Variants in VCAN observed in about 807,000 individuals in gnomAD.
VCAN encodes the protein versican core protein.
Under a neutral mutation model 245.5 loss-of-function variants are expected in VCAN, and 44 were observed. That is an observed-to-expected ratio of 0.18 (90% CI 0.14 to 0.23). The LOEUF (loss-of-function observed/expected upper bound fraction) is 0.23. Ranked by LOEUF, VCAN falls within the 10% of genes least tolerant of loss-of-function variation. VCAN has a pLI of 1.00. For synonymous variants in VCAN, 1,413 were observed against 1,437.0 expected, an observed-to-expected ratio of 0.98 and a Z score of 0.38; for missense variants, 3,793 against 4,057.9, an observed-to-expected ratio of 0.93 and a Z score of 1.77.
At chr5:83,548,969 T>C (rs1462681198) in intron 10 of VCAN, among the ~76,000 whole-genome samples, 1 of 152,216 alleles carries the variant, frequency 6.6e-6, no homozygotes, top group African/African-American at 2.4e-5. Flanking sequence ...TCCAAGTGGA[T>C]GGATGATGGC....
chr5:83,572,854 T>G (rs1211268613), intron 13 of VCAN, among the ~76,000 whole-genome samples: 1 of 136,878 alleles, frequency 7.3e-6, no homozygotes, highest in Non-Finnish European at 1.6e-5. Context: ...CCAATAGACC[T>G]TTTTATTTTT....
At chr5:83,503,665 ATC>A (rs1745399845) in intron 5 of VCAN, among the ~76,000 whole-genome samples, 1 of 152,240 alleles carries the variant, frequency 6.6e-6, no homozygotes, top group Non-Finnish European at 1.5e-5. Flanking sequence ...ATAATCATGT[ATC>A]ACATCACCCA....
In VCAN at chr5:83,493,517, C is replaced by A. The variant is rs1269936822; in HGVS notation, c.446-29C>A. ...CAGTGCAGTGGGAGATTTGAACAGG[C>A]TGGCAATTGTTTGCTGTTGTTTTTG... On this transcript the variant is annotated intron_variant, in intron 3 of 14. Transcript: ENST00000265077. The A allele has an allele frequency of 3.1e-6, 5 of 1,612,390 alleles. No individual in the cohort carries two copies. The East Asian group carries it at 8.9e-5, about 29-fold the overall frequency.
At chr5:83,498,744 T>C (rs1025948606) in intron 5 of VCAN, among the ~76,000 whole-genome samples, 1 of 152,224 alleles carries the variant, frequency 6.6e-6, no homozygotes, top group South Asian at 2.1e-4. Context: ...ATTTCTAGTT[T>C]GTGAATCACT....
At chr5:83,577,194 C>G (rs1263621085) in intron 13 of VCAN, among the ~76,000 whole-genome samples, 1 of 152,078 alleles carries the variant, frequency 6.6e-6, no homozygotes, top group Non-Finnish European at 1.5e-5. Flanking sequence ...TCTTATGATT[C>G]ATGGCTTACA....
chr5:83,526,235 G>T (rs1306200859), intron 7 of VCAN, among the ~76,000 whole-genome samples: 6 of 152,122 alleles, frequency 3.9e-5, no homozygotes, highest in African/African-American at 1.4e-4. Flanking sequence ...ACTGCGCCCA[G>T]CCAAGTCATC....
intron 5 of VCAN, among the ~76,000 whole-genome samples, chr5:83,505,520 A>G (rs916015174): frequency 1.3e-5 from 2 of 152,148 alleles, no homozygotes; most frequent in Non-Finnish European, 2.9e-5. Context: ...GTAGGTTCTT[A>G]TGGTCTCGGG....
chr5:83,536,254 G>C (rs1277920399), intron 7 of VCAN: 1 of 152,110 alleles, frequency 6.6e-6, no homozygotes, highest in African/African-American at 2.4e-5. Flanking sequence ...GAAGGATAAA[G>C]GTCTATAGGT....
At chr5:83,558,092 C>T (rs1269522230) in intron 12 of VCAN, among the ~76,000 whole-genome samples, 3 of 152,142 alleles carry the variant, frequency 2.0e-5, no homozygotes, top group African/African-American at 7.2e-5. Flanking sequence ...TGATCTCCTG[C>T]CCACTTTCTT....
At chr5:83,561,777 C>T (rs1031262677) in intron 12 of VCAN, among the ~76,000 whole-genome samples, 10 of 152,160 alleles carry the variant, frequency 6.6e-5, no homozygotes, top group Non-Finnish European at 8.8e-5. Context: ...TAACAAATCA[C>T]GGACCATAAA....
rs1214431347 is a variant in VCAN at position 83,540,879 on chromosome 5, G to C, written c.7876G>C (p.Ala2626Pro). ...TCAAGTTCAAGAGATCTATGAGGCA[G>C]CTGTCAACCTTTCTTTAACTGAGGA... ...STQVQEIYEA[A>P]VNLSLTEETF... Residue 2626 changes from alanine (A) to proline (P), a missense_variant, in exon 8 of 15, where the codon GCT (alanine) becomes CCT (proline). Ala to Pro is a conservative substitution (Grantham distance 27, BLOSUM62 -1). Coordinates refer to ENST00000265077, the MANE Select transcript of VCAN (RefSeq NM_004385.5). The C allele has an allele frequency of 1.2e-6, 2 of 1,613,848 alleles. No individual in the cohort carries two copies. Among genetic ancestry groups the C allele is most frequent in the African/African-American group, 2.7e-5 (2 of 74,918 alleles).
chr5:83,579,858 A>G, intron 13 of VCAN, 122 bp from the exon 14 acceptor site: 2 of 1,067,820 alleles, frequency 1.9e-6, no homozygotes, highest in South Asian at 1.4e-5. Context: ...TCTTAATTCT[A>G]AAAGATTGCC....
In VCAN at chr5:83,538,206, G is replaced by T; in HGVS notation, c.5203G>T (p.Ala1735Ser). Reference protein sequence around the residue: ...RKEEEGTTGTASTFEVYSSTQ... With the variant: ...RKEEEGTTGTSSTFEVYSSTQ... ...GGAGGAGGAGGGAACTACAGGTACG[G>T]CTTCTACATTTGAGGTATATTCATC... is the stretch of plus-strand genomic sequence containing the variant. The change falls in exon 8 of 15, where the codon GCT becomes TCT. Residue 1735 changes from alanine (A) to serine (S), a missense_variant. Transcript: ENST00000265077. 1.2e-6 allele frequency: 2 copies of T among 1,613,456 alleles called. No individual in the cohort carries two copies. The highest frequency in any genetic ancestry group is 1.7e-6 in the Non-Finnish European group (2 of 1,179,860).
intron 6 of VCAN, among the ~76,000 whole-genome samples, chr5:83,514,175 T>G (rs75573531): frequency 0.021 from 3,219 of 152,264 alleles, 110 homozygotes; most frequent in African/African-American, 0.074. Flanking sequence ...TATATTCATT[T>G]TTATCTCTCT....
intron 7 of VCAN, chr5:83,534,170 C>T (rs1224239359): frequency 8.3e-6 from 1 of 120,302 alleles, no homozygotes; most frequent in Non-Finnish European, 1.7e-5. Context: ...GACAGAACTT[C>T]CATCTGTAAT....
intron 6 of VCAN, among the ~76,000 whole-genome samples, chr5:83,514,347 A>G (rs1349446270): frequency 6.6e-6 from 1 of 152,206 alleles, no homozygotes; most frequent in African/African-American, 2.4e-5. Context: ...TTAGCCATAT[A>G]GAAGCCTTTC....
chr5:83,571,450 A>G (rs747375935), intron 12 of VCAN, among the ~76,000 whole-genome samples: 27 of 152,294 alleles, frequency 1.8e-4, no homozygotes, highest in Middle Eastern at 6.8e-3. Context: ...AATGCATATC[A>G]AGTACCTAGA....
At position 83,545,847 on chromosome 5, in the gene VCAN, G is replaced by A. The variant is rs116320519; in HGVS notation, c.9379+197G>A. Among the ~76,000 whole-genome samples, 913 of 152,252 alleles carry A rather than the reference G, an allele frequency of 6.0e-3. 9 individuals are homozygous for A. The highest frequency in any genetic ancestry group is 0.019 in the African/African-American group (798 of 41,550). On this transcript the variant is annotated intron_variant, in intron 9 of 14. Transcript: ENST00000265077. The stretch of plus-strand genomic sequence containing the variant: ...CAGATATTCAGTGAATTCTGTTAAC[G>A]TAACCAAGACTCAGTGAGGCCTGCT...
intron 7 of VCAN, among the ~76,000 whole-genome samples, chr5:83,525,193 A>C (rs908053842): frequency 8.6e-5 from 13 of 151,980 alleles, no homozygotes; most frequent in African/African-American, 2.9e-4. Context: ...ATCTGAAAGA[A>C]CTTTTCAGCT....
Sources: allele counts gnomAD v4.1 joint callset (sites outside exome capture counted in the v4.1 genomes callset), GRCh38; gene constraint gnomAD v4.1.1; transcripts MANE v1.5; gene names NCBI Gene and HGNC (gene_info 2026-07-23, HGNC 2026-07-21).